Variants in FGF14 observed in about 807,000 individuals in gnomAD.
FGF14 encodes fibroblast growth factor 14.
FGF14 carries 5 observed loss-of-function variants against 25.5 expected under a neutral mutation model. That is an observed-to-expected ratio of 0.20 (90% CI 0.10 to 0.41). The LOEUF (loss-of-function observed/expected upper bound fraction) is 0.41, where lower values mean the gene tolerates loss of function less well. Ranked by LOEUF, FGF14 falls within the 10% of genes least tolerant of loss-of-function variation. FGF14 has a pLI of 1.00. For synonymous variants in FGF14, 138 were observed against 118.3 expected (o/e 1.17, Z -1.08); for missense variants, 222 against 320.1 (o/e 0.69, Z 2.34).
intron 1 of FGF14, among the ~76,000 whole-genome samples, chr13:102,175,074 T>C (rs963246985): frequency 6.6e-6 from 1 of 152,114 alleles, no homozygotes; most frequent in Non-Finnish European, 1.5e-5. Context: ...ATTACCAATG[T>C]CATAGAAATA....
chr13:101,967,361 CATA>C (rs906308601), intron 1 of FGF14, among the ~76,000 whole-genome samples: 2 of 152,204 alleles, frequency 1.3e-5, no homozygotes, highest in Non-Finnish European at 2.9e-5. Flanking sequence ...TGACTGTTTT[CATA>C]ATGTTTTCCT....
intron 3 of FGF14, among the ~76,000 whole-genome samples, chr13:101,758,472 G>C (rs1226009351): frequency 6.6e-6 from 1 of 152,188 alleles, no homozygotes; most frequent in East Asian, 1.9e-4. Context: ...AATTCCTTCA[G>C]TGTGAGTATG....
At chr13:102,169,482 G>A (rs2048158191) in intron 1 of FGF14, among the ~76,000 whole-genome samples, 2 of 152,086 alleles carry the variant, frequency 1.3e-5, no homozygotes, top group Non-Finnish European at 1.5e-5. Flanking sequence ...CAGATGAGAA[G>A]TGATCAAAGG....
chr13:102,227,084 T>C (rs191202893), intron 1 of FGF14, among the ~76,000 whole-genome samples: 1 of 152,154 alleles, frequency 6.6e-6, no homozygotes, highest in East Asian at 1.9e-4. Context: ...CCTGGCCATT[T>C]TTCTTCCCAG....
chr13:102,093,709 G>C (rs1012335934), intron 1 of FGF14, among the ~76,000 whole-genome samples: 1 of 151,874 alleles, frequency 6.6e-6, no homozygotes, highest in Non-Finnish European at 1.5e-5. Flanking sequence ...GAAAAGTCAT[G>C]ACATTACAAG....
At chr13:102,005,470 A>C (rs1039814405) in intron 1 of FGF14, among the ~76,000 whole-genome samples, 14 of 152,214 alleles carry the variant, frequency 9.2e-5, no homozygotes, top group African/African-American at 3.4e-4. Context: ...GAACAGTGCC[A>C]GTTCACAGAT....
chr13:101,818,881 T>C (rs1176623361), intron 3 of FGF14, among the ~76,000 whole-genome samples: 1 of 152,182 alleles, frequency 6.6e-6, no homozygotes, highest in Non-Finnish European at 1.5e-5. Context: ...TTCCTATTTT[T>C]CCCAACATTC....
chr13:102,039,748 T>C (rs1445596956), intron 1 of FGF14, among the ~76,000 whole-genome samples: 3 of 152,098 alleles, frequency 2.0e-5, no homozygotes, highest in Non-Finnish European at 4.4e-5. Context: ...GGGACTTCAA[T>C]ATCTCTCTTT....
chr13:102,284,434 C>T (rs1019531561), intron 1 of FGF14, among the ~76,000 whole-genome samples: 4 of 151,930 alleles, frequency 2.6e-5, no homozygotes, highest in African/African-American at 7.3e-5. Context: ...GTAAAGTTTA[C>T]TTTGGATAAA....
intron 1 of FGF14, among the ~76,000 whole-genome samples, chr13:101,890,351 A>G (rs1313127927): frequency 6.6e-6 from 1 of 152,090 alleles, no homozygotes; most frequent in Non-Finnish European, 1.5e-5. Context: ...TGAAAAAAAA[A>G]ACACATTGTT....
Position 101,734,472 on chromosome 13 carries a change from T to A in FGF14, c.409-7662A>T, listed in dbSNP as rs2036036865. On this transcript the variant is annotated intron_variant, in intron 3 of 4. Coordinates refer to ENST00000376143, the MANE Select transcript of FGF14 (RefSeq NM_004115.4). ...TTTCTCTCTGGAATATAGACATGTATAAACTCCTAAAATAATAATCCTTGT... is the reference window on the plus strand; with the variant it reads ...TTTCTCTCTGGAATATAGACATGTAAAAACTCCTAAAATAATAATCCTTGT... 1.3e-5 allele frequency among the ~76,000 whole-genome samples: 2 copies of A among 152,192 alleles called. 1 individual carries two copies. The highest frequency in any genetic ancestry group is 4.1e-4 in the South Asian group (2 of 4,836).
At chr13:101,796,095 C>A (rs190925157) in intron 3 of FGF14, among the ~76,000 whole-genome samples, 16 of 152,076 alleles carry the variant, frequency 1.1e-4, no homozygotes, top group East Asian at 9.7e-4. Flanking sequence ...AGAAAAATAA[C>A]CTATAATATT....
At chr13:102,355,502 A>G (rs975263143) in intron 1 of FGF14, among the ~76,000 whole-genome samples, 3 of 150,938 alleles carry the variant, frequency 2.0e-5, no homozygotes, top group African/African-American at 4.9e-5. Context: ...GCTGGCTGGA[A>G]GTTTGCAGCT....
chr13:102,124,603 A>T (rs578493), intron 1 of FGF14, among the ~76,000 whole-genome samples: 9,041 of 152,128 alleles, frequency 0.059, 898 homozygotes, highest in African/African-American at 0.21. Flanking sequence ...CAGTTCTGGA[A>T]ATGTACTGTA....
chr13:101,977,110 T>C (rs948614824), intron 1 of FGF14, among the ~76,000 whole-genome samples: 1 of 152,168 alleles, frequency 6.6e-6, no homozygotes, highest in Non-Finnish European at 1.5e-5. Context: ...TAGAAGAATT[T>C]GCAGAAAGTG....
chr13:101,808,687 T>G (rs1405688804), intron 3 of FGF14, among the ~76,000 whole-genome samples: 1 of 152,076 alleles, frequency 6.6e-6, no homozygotes, highest in Non-Finnish European at 1.5e-5. Flanking sequence ...AAATGAATAC[T>G]GAGAGATAGG....
chr13:101,757,552 T>C (rs1456757069), intron 3 of FGF14, among the ~76,000 whole-genome samples: 2 of 152,198 alleles, frequency 1.3e-5, no homozygotes. Context: ...CTCCTTCACC[T>C]TGAGTAAACA....
At chr13:101,875,823 G>A (rs2045358142) in intron 1 of FGF14, among the ~76,000 whole-genome samples, 1 of 152,028 alleles carries the variant, frequency 6.6e-6, no homozygotes, top group African/African-American at 2.4e-5. Flanking sequence ...GCCCCAATTT[G>A]GAGAAAACCC....
At chr13:102,159,867 G>A (rs1594206722) in intron 1 of FGF14, among the ~76,000 whole-genome samples, 2 of 152,166 alleles carry the variant, frequency 1.3e-5, no homozygotes, top group Admixed American at 1.3e-4. Context: ...TTTGTAACCA[G>A]TGTATTTAAG....
Sources: gnomAD v4.1 joint callset for allele counts (sites outside exome capture counted in the v4.1 genomes callset) on GRCh38, gnomAD v4.1.1 for gene constraint, MANE v1.5 for transcripts, NCBI Gene and HGNC (gene_info 2026-07-23, HGNC 2026-07-21) for gene names.